Variants in KAZN observed in about 807,000 individuals in gnomAD.
The protein encoded by KAZN is kazrin, periplakin interacting protein.
In KAZN, 40 loss-of-function variants were observed where a neutral mutation model predicts 87.4. That is an observed-to-expected ratio of 0.46 (90% CI 0.36 to 0.60). KAZN has a LOEUF of 0.60. Among genes scored for constraint, KAZN ranks in the 20% least tolerant of loss-of-function variants. The probability of loss-of-function intolerance (pLI) is 0.00; values close to 1 mark genes in which losing one functional copy is unlikely to be tolerated. For missense variants in KAZN, 898 were observed against 1,073.9 expected (o/e 0.84, Z 2.29); for synonymous variants, 466 against 458.3 (o/e 1.02, Z -0.22).
Position 14,325,190 on chromosome 1 carries a change from T to C in KAZN, c.249+144598T>C, listed in dbSNP as rs534015269. ...TTTGTGCTCTCCCTCTCTCTCTCTC[T>C]TTTTCACCTCGGATATTCTTGCATG... On this transcript the variant is annotated intron_variant, in intron 2 of 16. Coordinates refer to the KAZN transcript ENST00000636203. 6.6e-5 allele frequency among the ~76,000 whole-genome samples: 10 copies of C among 152,104 alleles called. 1 individual carries two copies. The highest frequency in any genetic ancestry group is 1.3e-4 in the Non-Finnish European group (9 of 68,018).
chr1:14,296,539 T>C (rs1018266465), intron 2 of KAZN, among the ~76,000 whole-genome samples: 1 of 152,154 alleles, frequency 6.6e-6, no homozygotes, highest in Non-Finnish European at 1.5e-5. Flanking sequence ...CTTATTATTG[T>C]TCATGACCAT....
At chr1:14,896,937 T>A (rs1378410141) in intron 1 of KAZN, among the ~76,000 whole-genome samples, 1 of 152,192 alleles carries the variant, frequency 6.6e-6, no homozygotes, top group Non-Finnish European at 1.5e-5. Flanking sequence ...AGTTTCTTCA[T>A]CTGTAAAATG....
intron 2 of KAZN, among the ~76,000 whole-genome samples, chr1:14,964,116 G>C (rs1664187205): frequency 1.3e-5 from 2 of 152,162 alleles, no homozygotes; most frequent in Non-Finnish European, 2.9e-5. Context: ...CTCTATAGTA[G>C]AATGATTTAT....
chr1:14,314,294 G>C (rs1034550262), intron 2 of KAZN, among the ~76,000 whole-genome samples: 1 of 152,158 alleles, frequency 6.6e-6, no homozygotes, highest in African/African-American at 2.4e-5. Context: ...AGATTTGTCA[G>C]AAACTTCTAT....
chr1:15,027,609 C>A (rs568285860), intron 2 of KAZN, among the ~76,000 whole-genome samples: 1 of 152,364 alleles, frequency 6.6e-6, no homozygotes, highest in Non-Finnish European at 1.5e-5. Context: ...CTGCCCACCC[C>A]TCATTTCGCA....
rs113836366 is a variant in KAZN at position 14,044,152 on chromosome 1, G to A, written c.92-136283G>A. ...CTCCTCCAAGATTGAGTCTCCATCT[G>A]ACTCCAGAACCTGCTTGCCTAATCA... On this transcript the variant is annotated intron_variant, in intron 1 of 16. Coordinates refer to the KAZN transcript ENST00000636203. 6.3e-3 allele frequency among the ~76,000 whole-genome samples: 954 copies of A among 152,060 alleles called. 10 individuals are homozygous for A. The highest frequency in any genetic ancestry group is 0.022 in the African/African-American group (916 of 41,478).
At chr1:13,920,017 TGA>T (rs1357144728) in intron 1 of KAZN, among the ~76,000 whole-genome samples, 1 of 152,104 alleles carries the variant, frequency 6.6e-6, no homozygotes. Flanking sequence ...GTTATTTTGC[TGA>T]GGTGGGTGGA....
chr1:15,053,607 G>C (rs77539671), intron 4 of KAZN, among the ~76,000 whole-genome samples: 2 of 152,214 alleles, frequency 1.3e-5, no homozygotes, highest in Admixed American at 6.5e-5. Context: ...AGGAATGTGG[G>C]CTTAAGGGAA....
At chr1:14,275,656 C>T (rs1225119065) in intron 2 of KAZN, among the ~76,000 whole-genome samples, 1 of 152,136 alleles carries the variant, frequency 6.6e-6, no homozygotes, top group Admixed American at 6.5e-5. Context: ...GATTTACTAT[C>T]TGTTGGTGAA....
intron 1 of KAZN, among the ~76,000 whole-genome samples, chr1:14,717,437 T>C (rs925157040): frequency 7.2e-5 from 11 of 152,072 alleles, no homozygotes; most frequent in African/African-American, 2.2e-4. Context: ...GGCTCCTTCC[T>C]TCCTTTTCCC....
At chr1:14,047,871 AAAAAAG>A (rs1232032321) in intron 1 of KAZN, among the ~76,000 whole-genome samples, 5 of 126,326 alleles carry the variant, frequency 4.0e-5, no homozygotes, top group African/African-American at 2.9e-5. Context: ...CGGGAAAAAG[AAAAAAG>A]AAAAAAAAAA....
chr1:13,981,910 T>C (rs1203147156), intron 1 of KAZN, among the ~76,000 whole-genome samples: 1 of 151,960 alleles, frequency 6.6e-6, no homozygotes, highest in Non-Finnish European at 1.5e-5. Context: ...CATTAGAGGG[T>C]GGGACTTTCT....
chr1:14,080,759 G>A (rs1643644456), intron 1 of KAZN, among the ~76,000 whole-genome samples: 1 of 152,202 alleles, frequency 6.6e-6, no homozygotes, highest in African/African-American at 2.4e-5. Flanking sequence ...CGGAATATAG[G>A]CCCAGCACAT....
At chr1:14,971,664 T>G (rs1053931259) in intron 2 of KAZN, among the ~76,000 whole-genome samples, 14 of 149,448 alleles carry the variant, frequency 9.4e-5, no homozygotes, top group Admixed American at 2.0e-4. Context: ...AGGAGTTGTT[T>G]TTTTTTTTTT....
At chr1:14,073,646 C>A (rs1481131215) in intron 1 of KAZN, among the ~76,000 whole-genome samples, 2 of 151,944 alleles carry the variant, frequency 1.3e-5, no homozygotes, top group Non-Finnish European at 2.9e-5. Context: ...TGAGAACATG[C>A]GGTGTTTGAT....
intron 2 of KAZN, among the ~76,000 whole-genome samples, chr1:14,203,623 A>T (rs1557558140): frequency 6.6e-6 from 1 of 152,214 alleles, no homozygotes; most frequent in Non-Finnish European, 1.5e-5. Flanking sequence ...TTGACTCGAG[A>T]GTCCAGGGCC....
intron 1 of KAZN, among the ~76,000 whole-genome samples, chr1:14,001,645 C>G (rs1018542578): frequency 2.6e-5 from 4 of 152,128 alleles, no homozygotes; most frequent in Non-Finnish European, 5.9e-5. Context: ...GGCACTTGTA[C>G]CAAAACAGAC....
intron 1 of KAZN, among the ~76,000 whole-genome samples, chr1:14,123,763 C>A (rs1322033418): frequency 1.3e-5 from 2 of 152,148 alleles, no homozygotes; most frequent in African/African-American, 4.8e-5. Flanking sequence ...AGGTGCCCTC[C>A]CTTACTGAAA....
chr1:14,877,170 T>C (rs1404657090), intron 1 of KAZN, among the ~76,000 whole-genome samples: 1 of 152,172 alleles, frequency 6.6e-6, no homozygotes, highest in East Asian at 1.9e-4. Context: ...TCTCTTGGAC[T>C]CTCTTCTCAC....
Sources: gnomAD v4.1 joint callset for allele counts (sites outside exome capture counted in the v4.1 genomes callset) on GRCh38, gnomAD v4.1.1 for gene constraint, MANE v1.5 for transcripts, NCBI Gene and HGNC (gene_info 2026-07-23, HGNC 2026-07-21) for gene names.